The following LRRC18 variants were observed in gnomAD, a reference collection of about 807,000 sequenced individuals.
LRRC18 encodes the protein leucine rich repeat containing 18.
A neutral mutation model predicts 11.2 loss-of-function variants in LRRC18; 12 were observed. The observed-to-expected ratio is 1.07, with a 90% CI of 0.69 to 1.74. LRRC18 has a LOEUF of 1.74. LRRC18 is among the 40% of genes most tolerant of loss of function. The probability of loss-of-function intolerance (pLI) is 0.00; values close to 1 mark genes in which losing one functional copy is unlikely to be tolerated. For synonymous variants in LRRC18, 155 were observed against 130.6 expected (o/e 1.19, Z -1.27); for missense variants, 374 against 330.5 (o/e 1.13, Z -1.02).
At chr10:48,924,279 G>T in the LRRC18 span, among the ~76,000 whole-genome samples, 3 of 152,176 alleles carry the variant, frequency 2.0e-5, no homozygotes, top group African/African-American at 7.2e-5. Flanking sequence ...GTGTTGTGTG[G>T]CTCAGGGTCC....
chr10:48,925,775 A>C, the LRRC18 span, among the ~76,000 whole-genome samples: 7 of 152,034 alleles, frequency 4.6e-5, no homozygotes, highest in Non-Finnish European at 8.8e-5. Flanking sequence ...GTTTGGGGGG[A>C]TTTCTGACAT....
At chr10:48,939,778 G>A in the LRRC18 span, among the ~76,000 whole-genome samples, 2 of 152,314 alleles carry the variant, frequency 1.3e-5, no homozygotes, top group East Asian at 1.9e-4. Context: ...TGCTGGTAAT[G>A]GCGTCTTTCT....
chr10:48,910,851 G>A (rs943653273), intron 1 of LRRC18: 1 of 942,394 alleles, frequency 1.1e-6, no homozygotes, highest in African/African-American at 1.8e-5. Flanking sequence ...GCGGGGAAGG[G>A]AGGACGTGGA....
At chr10:48,920,841 C>A in the LRRC18 span, among the ~76,000 whole-genome samples, 67 of 152,312 alleles carry the variant, frequency 4.4e-4, 1 homozygote, top group East Asian at 0.01. Context: ...CACAAAACAC[C>A]CATTGCATTT....
At chr10:48,927,627 A>G in the LRRC18 span, among the ~76,000 whole-genome samples, 1 of 152,134 alleles carries the variant, frequency 6.6e-6, no homozygotes, top group Admixed American at 6.5e-5. Context: ...CCCTAGTATT[A>G]TTTACTTCTC....
At chr10:48,930,051 C>T in the LRRC18 span, among the ~76,000 whole-genome samples, 1 of 152,248 alleles carries the variant, frequency 6.6e-6, no homozygotes, top group East Asian at 1.9e-4. Flanking sequence ...AGACACATGG[C>T]CTGTCTGGTT....
the LRRC18 span, among the ~76,000 whole-genome samples, chr10:48,925,791 T>C: frequency 6.6e-6 from 1 of 152,158 alleles, no homozygotes; most frequent in African/African-American, 2.4e-5. Flanking sequence ...GACATCAATT[T>C]TGGAAATACT....
the LRRC18 span, among the ~76,000 whole-genome samples, chr10:48,934,504 A>G: frequency 6.6e-6 from 1 of 152,200 alleles, no homozygotes; most frequent in Non-Finnish European, 1.5e-5. Context: ...TACCTGTCAT[A>G]AAAGTTGGGT....
chr10:48,933,235 C>T, the LRRC18 span, among the ~76,000 whole-genome samples: 103 of 152,182 alleles, frequency 6.8e-4, no homozygotes, highest in African/African-American at 2.3e-3. Flanking sequence ...GCTAGAGGGG[C>T]CTAGCACTTC....
At chr10:48,920,586 C>T in the LRRC18 span, among the ~76,000 whole-genome samples, 1 of 152,132 alleles carries the variant, frequency 6.6e-6, no homozygotes, top group Non-Finnish European at 1.5e-5. Flanking sequence ...ACAGAAGGTT[C>T]TTCTCTGAAG....
At chr10:48,924,858 T>A in the LRRC18 span, among the ~76,000 whole-genome samples, 1 of 152,250 alleles carries the variant, frequency 6.6e-6, no homozygotes, top group Non-Finnish European at 1.5e-5. Flanking sequence ...CACTCATGTA[T>A]CTTTGACTAC....
the LRRC18 span, among the ~76,000 whole-genome samples, chr10:48,932,984 G>A: frequency 2.0e-5 from 3 of 152,260 alleles, no homozygotes; most frequent in East Asian, 1.9e-4. Context: ...ATGGGTAGGG[G>A]ACAACATAAG....
chr10:48,910,409 A>G, intron 1 of LRRC18, 151 bp from the exon 4 acceptor site: 1 of 719,772 alleles, frequency 1.4e-6, no homozygotes, highest in South Asian at 1.6e-5. Flanking sequence ...GTATTTGAGG[A>G]AAGAGAACAC....
At chr10:48,933,983 C>A in the LRRC18 span, among the ~76,000 whole-genome samples, 6 of 152,134 alleles carry the variant, frequency 3.9e-5, no homozygotes, top group Non-Finnish European at 7.3e-5. Context: ...CAGACAACCA[C>A]AGGGCTCAGG....
chr10:48,937,492 T>G, the LRRC18 span, among the ~76,000 whole-genome samples: 6 of 152,264 alleles, frequency 3.9e-5, 1 homozygote, highest in African/African-American at 1.4e-4. Context: ...ACACCAACAA[T>G]GAATTTCACC....
At chr10:48,916,596 A>C (rs2133540273), upstream of LRRC18, among the ~76,000 whole-genome samples, 1 of 152,324 alleles carries the variant, frequency 6.6e-6, no homozygotes, top group Non-Finnish European at 1.5e-5. Context: ...ACAGATTTAG[A>C]AAACAAAATC....
the LRRC18 span, among the ~76,000 whole-genome samples, chr10:48,933,354 C>T: frequency 6.6e-6 from 1 of 152,212 alleles, no homozygotes; most frequent in Non-Finnish European, 1.5e-5. Flanking sequence ...AGGGCCTAGT[C>T]AAAGGCGCAT....
chr10:48,932,710 G>C, the LRRC18 span: 1 of 152,018 alleles, frequency 6.6e-6, no homozygotes, highest in African/African-American at 2.4e-5. Flanking sequence ...TGGTGTAAAT[G>C]CTCTGCAAAT....
At chr10:48,925,180 C>G in the LRRC18 span, among the ~76,000 whole-genome samples, 2 of 152,222 alleles carry the variant, frequency 1.3e-5, no homozygotes, top group East Asian at 3.8e-4. Context: ...TCCCGACCCT[C>G]ATATTTACTG....
Sources: allele counts gnomAD v4.1 joint callset (sites outside exome capture counted in the v4.1 genomes callset), GRCh38; gene constraint gnomAD v4.1.1; transcripts MANE v1.5; gene names NCBI Gene and HGNC (gene_info 2026-07-23, HGNC 2026-07-21).